Variants in IRF2 observed in about 807,000 individuals in gnomAD.
IRF2 encodes interferon regulatory factor 2.
In IRF2, 15 loss-of-function variants were observed where a neutral mutation model predicts 40.6. That is an observed-to-expected ratio of 0.37 (90% confidence interval 0.25 to 0.57). The LOEUF is 0.57. Ranked by LOEUF, IRF2 falls within the 20% of genes least tolerant of loss-of-function variation. IRF2 has a pLI of 0.77. For missense variants in IRF2, 317 were observed against 455.7 expected, an observed-to-expected ratio of 0.70 and a Z score of 2.77; for synonymous variants, 151 against 165.5, an observed-to-expected ratio of 0.91 and a Z score of 0.67.
Position 184,448,215 on chromosome 4 carries a change from C to G in IRF2, c.-6-19145G>C, listed in dbSNP as rs186094716. Among the ~76,000 whole-genome samples the G allele has an allele frequency of 2.2e-3, 340 of 152,338 alleles. 3 individuals carry two copies. The highest frequency in any genetic ancestry group is 7.3e-3 in the African/African-American group (302 of 41,570). ...TCCAGTACAGAGGGAAAGACGACGA[C>G]AGCCTTTCTGCAAATACAACAAACT... On this transcript the variant is annotated intron_variant, in intron 1 of 8. Coordinates refer to ENST00000393593, the MANE Select transcript of IRF2 (RefSeq NM_002199.4). This position sits in a 1 kb window ranked among gnomAD's most constrained non-coding sequence, Gnocchi z 4.3.
intron 5 of IRF2, among the ~76,000 whole-genome samples, chr4:184,409,526 A>G (rs1361121006): frequency 1.3e-5 from 2 of 152,072 alleles, no homozygotes; most frequent in African/African-American, 4.8e-5. Context: ...ATCCATCCCT[A>G]CCAGGCACGA....
intron 5 of IRF2, among the ~76,000 whole-genome samples, chr4:184,410,861 G>A (rs934536819): frequency 5.3e-5 from 8 of 152,076 alleles, no homozygotes; most frequent in African/African-American, 9.7e-5. Flanking sequence ...TTGAGAAAAC[G>A]ATGACTCAGA....
At chr4:184,460,227 A>G (rs1220851075) in intron 1 of IRF2, among the ~76,000 whole-genome samples, 1 of 152,234 alleles carries the variant, frequency 6.6e-6, no homozygotes, top group African/African-American at 2.4e-5. Context: ...TAAGCCAGAC[A>G]CAAAAAGACA....
chr4:184,469,639 C>T (rs1292858884), intron 1 of IRF2, among the ~76,000 whole-genome samples: 1 of 152,232 alleles, frequency 6.6e-6, no homozygotes, highest in Non-Finnish European at 1.5e-5. Flanking sequence ...CGAGCCACCG[C>T]ACTCCAGCCT....
chr4:184,444,935 A>G (rs1738446814), intron 1 of IRF2, among the ~76,000 whole-genome samples: 1 of 152,238 alleles, frequency 6.6e-6, no homozygotes, highest in African/African-American at 2.4e-5. Context: ...GCATAATGTG[A>G]AAAAAGTCGG....
intron 1 of IRF2, among the ~76,000 whole-genome samples, chr4:184,473,814 G>A (rs2149922836): frequency 6.6e-6 from 1 of 152,036 alleles, no homozygotes; most frequent in Admixed American, 6.5e-5. Flanking sequence ...TACGCTGGAG[G>A]CAGCCTGGAG....
At chr4:184,454,938 C>A (rs79121862) in intron 1 of IRF2, among the ~76,000 whole-genome samples, 226 of 152,274 alleles carry the variant, frequency 1.5e-3, no homozygotes, top group African/African-American at 5.2e-3. Flanking sequence ...AACAGTAGGG[C>A]CCGTGCTCCA....
At chr4:184,415,322 G>A (rs1317102538) in intron 5 of IRF2, among the ~76,000 whole-genome samples, 1 of 152,164 alleles carries the variant, frequency 6.6e-6, no homozygotes, top group Admixed American at 6.5e-5. Flanking sequence ...AACACACTTG[G>A]CTGAGGTGGC....
chr4:184,412,606 G>A (rs897643755), intron 5 of IRF2, among the ~76,000 whole-genome samples: 2 of 152,194 alleles, frequency 1.3e-5, no homozygotes, highest in Non-Finnish European at 2.9e-5. Flanking sequence ...TCAGGGAACT[G>A]GACCTTGGCG....
Position 184,473,483 on chromosome 4 carries a change from C to T in IRF2, c.-7+896G>A, listed in dbSNP as rs1332624839. On this transcript the variant is annotated intron_variant, in intron 1 of 8. Transcript: ENST00000393593. ...TTCCTGGGACGCGCCGCCCGAGCCC[C>T]TGGCGCGCTGGGACAAGTGCAATGA... Among the ~76,000 whole-genome samples the T allele has an allele frequency of 6.1e-5, 9 of 147,776 alleles. No individual in the cohort carries two copies. The East Asian group carries it at 1.6e-3, about 26-fold the overall frequency.
chr4:184,466,093 G>C (rs939592315), intron 1 of IRF2, among the ~76,000 whole-genome samples: 1 of 143,398 alleles, frequency 7.0e-6, no homozygotes, highest in East Asian at 2.1e-4. Context: ...GAAGTCTCAC[G>C]CTTGTCACCC....
At chr4:184,456,477 C>T (rs1425713942) in intron 1 of IRF2, among the ~76,000 whole-genome samples, 2 of 152,226 alleles carry the variant, frequency 1.3e-5, no homozygotes, top group Admixed American at 1.3e-4. Context: ...GTGAGAGCCG[C>T]GGTGGAGAAA....
chr4:184,405,724 C>T (rs773790714), intron 6 of IRF2, among the ~76,000 whole-genome samples: 1 of 152,076 alleles, frequency 6.6e-6, no homozygotes, highest in Non-Finnish European at 1.5e-5. Flanking sequence ...TTGAGAAGTA[C>T]GGTGAGGGAA....
intron 7 of IRF2, among the ~76,000 whole-genome samples, chr4:184,395,901 G>T (rs1736438400): frequency 6.6e-6 from 1 of 152,190 alleles, no homozygotes; most frequent in Non-Finnish European, 1.5e-5. Flanking sequence ...CTGTTCTCCG[G>T]AATCTTTTGC....
chr4:184,455,253 T>TCCCCC (rs1738873470), intron 1 of IRF2, among the ~76,000 whole-genome samples: 2 of 35,386 alleles, frequency 5.7e-5, no homozygotes, highest in Non-Finnish European at 1.2e-4. Context: ...TCCCCTCCCC[T>TCCCCC]CCCCCTTCCC....
chr4:184,431,647 G>C (rs17686279), intron 1 of IRF2, among the ~76,000 whole-genome samples: 19,209 of 152,110 alleles, frequency 0.13, 1,527 homozygotes, highest in Admixed American at 0.28. Context: ...TTACAGGATA[G>C]GGGTAGGTAT....
intron 6 of IRF2, among the ~76,000 whole-genome samples, chr4:184,401,544 A>G (rs371359218): frequency 1.3e-5 from 2 of 152,340 alleles, no homozygotes; most frequent in Admixed American, 1.3e-4. Context: ...CCTTTGGATT[A>G]TCCTACGTGA....
chr4:184,440,735 G>A (rs879163706), intron 1 of IRF2, among the ~76,000 whole-genome samples: 14 of 152,184 alleles, frequency 9.2e-5, no homozygotes, highest in African/African-American at 1.7e-4. Context: ...AGAGATCTGC[G>A]AGGCTCTTCT....
intron 5 of IRF2, among the ~76,000 whole-genome samples, chr4:184,409,673 C>T (rs537716206): frequency 7.9e-5 from 12 of 152,268 alleles, no homozygotes; most frequent in African/African-American, 2.4e-4. Flanking sequence ...GCTGCAGGAT[C>T]GTTTCAGCCC....
Sources: gnomAD v4.1 joint callset for allele counts (sites outside exome capture counted in the v4.1 genomes callset) on GRCh38, gnomAD v4.1.1 for gene constraint, Gnocchi (gnomAD v3.1) non-coding constraint, MANE v1.5 for transcripts, NCBI Gene and HGNC (gene_info 2026-07-23, HGNC 2026-07-21) for gene names.